Variants in CPPED1 observed in about 807,000 individuals in gnomAD.
The protein encoded by CPPED1 is calcineurin like phosphoesterase domain containing 1.
Under a neutral mutation model 28.0 loss-of-function variants are expected in CPPED1, and 28 were observed. That is an observed-to-expected ratio of 1.00 (90% confidence interval 0.74 to 1.37). The LOEUF is 1.37. Among genes scored for constraint, CPPED1 ranks in the 40% most tolerant of loss-of-function variants. The pLI is 0.00. For missense variants in CPPED1, 504 were observed against 416.5 expected (o/e 1.21, Z -1.83); for synonymous variants, 198 against 180.2 (o/e 1.10, Z -0.79).
chr16:12,684,470 C>A (rs1304751978), intron 3 of CPPED1, among the ~76,000 whole-genome samples: 1 of 152,218 alleles, frequency 6.6e-6, no homozygotes, highest in African/African-American at 2.4e-5. Flanking sequence ...ACTCACTGAG[C>A]AACTCCAGTG....
intron 2 of CPPED1, among the ~76,000 whole-genome samples, chr16:12,756,518 C>A (rs939487938): frequency 5.9e-5 from 9 of 152,066 alleles, no homozygotes; most frequent in Non-Finnish European, 1.2e-4. Flanking sequence ...TGGCAAAACC[C>A]TGTGTCTACT....
chr16:12,785,582 C>T (rs927039125), intron 1 of CPPED1, among the ~76,000 whole-genome samples: 2 of 152,066 alleles, frequency 1.3e-5, no homozygotes, highest in African/African-American at 2.4e-5. Context: ...CATGCAGCAC[C>T]ACACCTGATT....
At position 12,664,812 on chromosome 16, in the gene CPPED1, T is replaced by C. The variant is rs1567269889; in HGVS notation, c.*74A>G. Reference sequence around the variant, plus strand: ...GCTATTTTTATATTTCAGCAAGAGGTTGTGTGCAGCTGCTGTTTCTGGCAA... The same window carrying C: ...GCTATTTTTATATTTCAGCAAGAGGCTGTGTGCAGCTGCTGTTTCTGGCAA... On this transcript the variant is annotated 3_prime_UTR_variant, in exon 4 of 4. Transcript: ENST00000381774. The surrounding 1 kb of genome is among the most constrained non-coding windows in gnomAD (Gnocchi z 4.2). The C allele has an allele frequency of 2.5e-6, 4 of 1,591,796 alleles. No individual in the cohort carries two copies. In the African/African-American group the frequency reaches 5.5e-5, roughly 22 times the overall value.
Position 12,757,301 on chromosome 16 carries a change from G to C in CPPED1, c.289+23884C>G, listed in dbSNP as rs576614810. ...CAGGCTGGTTGGTCACCCTAATTTG[G>C]AAGAAGACAGATTCCAAAGCATAAC... On this transcript the variant is annotated intron_variant, in intron 2 of 3. Transcript: ENST00000381774. Among the ~76,000 whole-genome samples the C allele has an allele frequency of 1.6e-4, 24 of 152,190 alleles. No individual in the cohort carries two copies. In the South Asian group the frequency reaches 3.9e-3, roughly 25 times the overall value.
chr16:12,729,338 A>C (rs2080185722), intron 2 of CPPED1, among the ~76,000 whole-genome samples: 1 of 152,196 alleles, frequency 6.6e-6, no homozygotes, highest in South Asian at 2.1e-4. Context: ...TTTAAGGTTA[A>C]GACGTTTTTA....
chr16:12,734,386 T>G (rs372054520), intron 2 of CPPED1, among the ~76,000 whole-genome samples: 34 of 151,656 alleles, frequency 2.2e-4, no homozygotes, highest in Non-Finnish European at 3.2e-4. Flanking sequence ...TAATTTTTTT[T>G]TTTTGTTTTT....
chr16:12,775,244 G>A, intron 2 of CPPED1, among the ~76,000 whole-genome samples: 1 of 152,164 alleles, frequency 6.6e-6, no homozygotes, highest in East Asian at 1.9e-4. Flanking sequence ...CTCAGCTGAT[G>A]TAGCCCCTTG....
intron 2 of CPPED1, among the ~76,000 whole-genome samples, chr16:12,735,623 T>G (rs2080222899): frequency 6.6e-6 from 1 of 152,172 alleles, no homozygotes; most frequent in South Asian, 2.1e-4. Context: ...TAAATTACAC[T>G]TAGTGTAACA....
Position 12,721,252 on chromosome 16 carries a change from C to T in CPPED1, c.290-16203G>A, listed in dbSNP as rs1321260395. On this transcript the variant is annotated intron_variant, in intron 2 of 3. Transcript: ENST00000381774. ...CCACGGAAACTTAGTACTTACCTGCCAAGCCCAAGACATCAAGATGATACA... is the reference window on the plus strand; with the variant it reads ...CCACGGAAACTTAGTACTTACCTGCTAAGCCCAAGACATCAAGATGATACA... Among the ~76,000 whole-genome samples, 7 of 152,196 alleles carry T rather than the reference C, an allele frequency of 4.6e-5. No individual in the cohort carries two copies. In the East Asian group the frequency reaches 1.4e-3, roughly 29 times the overall value.
At chr16:12,751,002 C>CAA (rs940081213) in intron 2 of CPPED1, among the ~76,000 whole-genome samples, 9 of 151,090 alleles carry the variant, frequency 6.0e-5, no homozygotes, top group African/African-American at 1.7e-4. Context: ...ACAACAACAA[C>CAA]AAAAAAAACA....
chr16:12,770,357 C>G (rs1266993467), intron 2 of CPPED1, among the ~76,000 whole-genome samples: 1 of 152,184 alleles, frequency 6.6e-6, no homozygotes, highest in Non-Finnish European at 1.5e-5. Context: ...AAATTAACTC[C>G]CACCTGGCGT....
chr16:12,746,771 G>A (rs1003404472), intron 2 of CPPED1, among the ~76,000 whole-genome samples: 3 of 152,182 alleles, frequency 2.0e-5, no homozygotes, highest in Non-Finnish European at 4.4e-5. Flanking sequence ...AGGAATGGGT[G>A]TCTATTGTTA....
chr16:12,799,243 GTT>G lies in CPPED1; in HGVS notation c.70+4462_70+4463del, dbSNP rs200948126. On this transcript the variant is annotated intron_variant, in intron 1 of 3. Coordinates refer to ENST00000381774, the MANE Select transcript of CPPED1 (RefSeq NM_018340.3). Reference sequence around the variant, plus strand: ...TTTGGCAAGAGAAGGGGAAAAGTCAGTTTTTTTTTTTTTTTTTTTTGAGACAC... The same window carrying G: ...TTTGGCAAGAGAAGGGGAAAAGTCAGTTTTTTTTTTTTTTTTTTGAGACAC... Among the ~76,000 whole-genome samples the G allele has an allele frequency of 3.3e-4, 44 of 135,206 alleles. 1 individual carries two copies. Among genetic ancestry groups the G allele is most frequent in the Non-Finnish European group, 6.5e-4 (40 of 61,734 alleles). The allele number at this position is 135,206 out of a possible 152,430, so 88.7% of individuals were successfully genotyped here. A position where few individuals can be genotyped will look rare whatever the true frequency, so the allele number is the denominator to read the frequency against.
chr16:12,660,628 T>C lies in CPPED1; in HGVS notation c.*4258A>G, dbSNP rs1296770273. On this transcript the variant is annotated 3_prime_UTR_variant, in exon 4 of 4. Coordinates refer to ENST00000381774, the MANE Select transcript of CPPED1 (RefSeq NM_018340.3). ...ATTACCTGTCAAGTACTATGTTACA[T>C]GTGCAATCAAAACTGTTGAGGTTAC... 1 of 152,154 alleles carries C rather than the reference T, an allele frequency of 6.6e-6. No homozygotes were observed. Among genetic ancestry groups the C allele is most frequent in the Non-Finnish European group, 1.5e-5 (1 of 68,030 alleles). The allele number at this position is 152,154 out of a possible 1,614,324, so 9.4% of individuals were successfully genotyped here. A position where few individuals can be genotyped will look rare whatever the true frequency, so the allele number is the denominator to read the frequency against.
chr16:12,732,502 AG>A lies in CPPED1; in HGVS notation c.290-27454del, dbSNP rs1366822868. 7.3e-4 allele frequency among the ~76,000 whole-genome samples: 110 copies of A among 151,648 alleles called. 1 individual carries two copies. The highest frequency in any genetic ancestry group is 2.6e-3 in the Admixed American group (39 of 15,174). On this transcript the variant is annotated intron_variant, in intron 2 of 3. Coordinates refer to ENST00000381774, the MANE Select transcript of CPPED1 (RefSeq NM_018340.3). ...CACACACACACACAGATGGAGAGAG[AG>A]AGAGAGAGAGAGAGACAGAGAGAGA...
intron 3 of CPPED1, among the ~76,000 whole-genome samples, chr16:12,689,477 A>C (rs528712421): frequency 6.7e-6 from 1 of 148,320 alleles, no homozygotes; most frequent in Non-Finnish European, 1.5e-5. Context: ...TGATCCTCCC[A>C]CCTTGGCCTC....
At chr16:12,794,979 C>T (rs376799015) in intron 1 of CPPED1, among the ~76,000 whole-genome samples, 28 of 152,330 alleles carry the variant, frequency 1.8e-4, no homozygotes, top group Non-Finnish European at 3.2e-4. Flanking sequence ...TTCGAGACAA[C>T]GGTTAAAGAG....
At chr16:12,717,647 A>C (rs899045437) in intron 2 of CPPED1, among the ~76,000 whole-genome samples, 1 of 151,754 alleles carries the variant, frequency 6.6e-6, no homozygotes, top group Non-Finnish European at 1.5e-5. Flanking sequence ...CATAATAATA[A>C]TTATTATTTT....
chr16:12,696,634 G>A (rs997701043), intron 3 of CPPED1, among the ~76,000 whole-genome samples: 1 of 151,860 alleles, frequency 6.6e-6, no homozygotes, highest in Non-Finnish European at 1.5e-5. Flanking sequence ...GTAGAGATGG[G>A]GTTTCACCAT....
Sources: gnomAD v4.1 joint callset for allele counts (sites outside exome capture counted in the v4.1 genomes callset) on GRCh38, gnomAD v4.1.1 for gene constraint, Gnocchi (gnomAD v3.1) non-coding constraint, MANE v1.5 for transcripts, NCBI Gene and HGNC (gene_info 2026-07-23, HGNC 2026-07-21) for gene names.